Variants in STK3 observed in about 807,000 individuals in gnomAD.
The protein encoded by STK3 is serine/threonine-protein kinase 3.
STK3 carries 41 observed loss-of-function variants against 58.0 expected under a neutral mutation model. The ratio of observed to expected loss-of-function variants is 0.71; its 90% confidence interval spans 0.55 to 0.92. The LOEUF is 0.92. STK3 is among the 40% of genes least tolerant of loss of function. The pLI, the probability that STK3 is intolerant of heterozygous loss-of-function variation, is 0.00. For synonymous variants in STK3, 170 were observed against 191.0 expected (o/e 0.89, Z 0.91); for missense variants, 479 against 602.7 (o/e 0.79, Z 2.15).
the STK3 span, among the ~76,000 whole-genome samples, chr8:98,344,701 G>A: frequency 1.3e-5 from 2 of 151,584 alleles, no homozygotes; most frequent in Non-Finnish European, 2.9e-5. Context: ...AGACCATCCC[G>A]GCTAAAACGG....
chr8:98,364,001 A>T, the STK3 span, among the ~76,000 whole-genome samples: 17 of 152,202 alleles, frequency 1.1e-4, no homozygotes, highest in East Asian at 3.3e-3. Context: ...TCTCTCTATC[A>T]CAGTCAGGCC....
At chr8:98,764,411 A>C (rs1830818285) in intron 3 of STK3, among the ~76,000 whole-genome samples, 1 of 152,212 alleles carries the variant, frequency 6.6e-6, no homozygotes, top group Non-Finnish European at 1.5e-5. Flanking sequence ...CTAATAAAGA[A>C]AAATATATGG....
intron 6 of STK3, among the ~76,000 whole-genome samples, chr8:98,651,131 C>T (rs1820884090): frequency 6.6e-6 from 1 of 152,176 alleles, no homozygotes; most frequent in African/African-American, 2.4e-5. Flanking sequence ...GCCGGGTACT[C>T]CTCTGAGACA....
At chr8:98,611,701 A>G (rs920530297) in intron 6 of STK3, among the ~76,000 whole-genome samples, 1 of 152,200 alleles carries the variant, frequency 6.6e-6, no homozygotes, top group African/African-American at 2.4e-5. Context: ...CTGGCTACAT[A>G]TTAGAATCAC....
chr8:98,582,496 G>GT (rs898455807), intron 7 of STK3, among the ~76,000 whole-genome samples: 4 of 151,338 alleles, frequency 2.6e-5, no homozygotes, highest in Non-Finnish European at 4.4e-5. Flanking sequence ...TTTTGTTTTA[G>GT]TTTTTTTAAC....
At chr8:98,548,182 T>C (rs758780033) in intron 8 of STK3, 21 bp from the exon 9 acceptor site, 3 of 1,479,890 alleles carry the variant, frequency 2.0e-6, no homozygotes, top group East Asian at 2.5e-5. Context: ...AATACTGCAA[T>C]GAGGGAAGAC....
intron 6 of STK3, among the ~76,000 whole-genome samples, chr8:98,644,529 C>A (rs904820681): frequency 1.3e-5 from 2 of 152,020 alleles, no homozygotes; most frequent in African/African-American, 4.8e-5. Context: ...ATTTTTAGGA[C>A]ATTCACATGA....
chr8:98,358,117 TCACA>T, the STK3 span, among the ~76,000 whole-genome samples: 3 of 152,172 alleles, frequency 2.0e-5, no homozygotes, highest in Non-Finnish European at 4.4e-5. Flanking sequence ...ATTTTTCGCC[TCACA>T]CAAGAATTTG....
chr8:98,823,904 G>A (rs989502633), intron 1 of STK3, among the ~76,000 whole-genome samples: 30 of 152,114 alleles, frequency 2.0e-4, no homozygotes, highest in Non-Finnish European at 5.9e-5. Flanking sequence ...CTCAAAACGA[G>A]TAGCTATATT....
At chr8:98,756,302 T>C (rs1324426713) in intron 3 of STK3, among the ~76,000 whole-genome samples, 1 of 152,154 alleles carries the variant, frequency 6.6e-6, no homozygotes, top group Admixed American at 6.5e-5. Flanking sequence ...GTTAGCCAGA[T>C]AACTAAGCAC....
chr8:98,659,204 T>C (rs1230070728), intron 6 of STK3, among the ~76,000 whole-genome samples: 1 of 152,120 alleles, frequency 6.6e-6, no homozygotes, highest in Non-Finnish European at 1.5e-5. Flanking sequence ...AATTTTTCAT[T>C]ATTTTTGCAA....
chr8:98,781,564 A>C (rs1410054704), intron 1 of STK3, among the ~76,000 whole-genome samples: 1 of 152,238 alleles, frequency 6.6e-6, no homozygotes, highest in East Asian at 1.9e-4. Context: ...CCACGAATAC[A>C]AAGGTCATTC....
intron 10 of STK3, among the ~76,000 whole-genome samples, chr8:98,491,161 A>ATGAG (rs1822651171): frequency 1.1e-5 from 1 of 90,268 alleles, no homozygotes; most frequent in African/African-American, 4.3e-5. Context: ...CAAAATAAAC[A>ATGAG]CGAGAGAGAG....
intron 1 of STK3, among the ~76,000 whole-genome samples, chr8:98,893,993 G>T (rs16897119): frequency 6.6e-6 from 1 of 152,246 alleles, no homozygotes; most frequent in South Asian, 2.1e-4. Context: ...TCAGTATAGC[G>T]GAAGGATAAG....
intron 1 of STK3, among the ~76,000 whole-genome samples, chr8:98,382,794 CTG>C (rs1201596185): frequency 6.6e-6 from 1 of 152,248 alleles, no homozygotes; most frequent in African/African-American, 2.4e-5. Context: ...ATTCCTGAAA[CTG>C]GGCCCAACTG....
intron 3 of STK3, among the ~76,000 whole-genome samples, chr8:98,850,168 T>C: frequency 6.6e-6 from 1 of 152,204 alleles, no homozygotes; most frequent in Middle Eastern, 3.2e-3. Flanking sequence ...TTATTATTTA[T>C]TTAATTAATT....
At chr8:98,651,664 A>C (rs1587162032) in intron 6 of STK3, 1 of 152,244 alleles carries the variant, frequency 6.6e-6, no homozygotes, top group Non-Finnish European at 1.5e-5. Flanking sequence ...ATGGAGCTGA[A>C]AGCCAAGGCT....
chr8:98,354,968 G>T, the STK3 span, among the ~76,000 whole-genome samples: 1 of 151,986 alleles, frequency 6.6e-6, no homozygotes, highest in African/African-American at 2.4e-5. Context: ...GTAGAAATGG[G>T]GTTTCACCAT....
chr8:98,387,957 A>G (rs1817809962), intron 1 of STK3, among the ~76,000 whole-genome samples: 1 of 151,704 alleles, frequency 6.6e-6, no homozygotes, highest in Admixed American at 6.6e-5. Flanking sequence ...GACTATGGCA[A>G]TCACAACAAA....
Sources: allele counts gnomAD v4.1 joint callset (sites outside exome capture counted in the v4.1 genomes callset), GRCh38; gene constraint gnomAD v4.1.1; transcripts MANE v1.5; gene names NCBI Gene and HGNC (gene_info 2026-07-23, HGNC 2026-07-21).